TAMM41: variants seen among roughly 807,000 people sequenced by gnomAD.
TAMM41 encodes TAM41 mitochondrial translocator assembly and maintenance homolog.
A neutral mutation model predicts 44.1 loss-of-function variants in TAMM41; 36 were observed. The ratio of observed to expected loss-of-function variants is 0.82; its 90% confidence interval spans 0.63 to 1.08. TAMM41 has a LOEUF of 1.08. Ranked by LOEUF, TAMM41 falls within the 50% of genes least tolerant of loss-of-function variation. TAMM41 has a pLI of 0.00. For synonymous variants in TAMM41, 164 were observed against 153.1 expected, an observed-to-expected ratio of 1.07 and a Z score of -0.53; for missense variants, 417 against 404.3, an observed-to-expected ratio of 1.03 and a Z score of -0.27.
the TAMM41 span, among the ~76,000 whole-genome samples, chr3:11,750,379 A>G: frequency 3.9e-5 from 6 of 152,056 alleles, no homozygotes; most frequent in Non-Finnish European, 8.8e-5. Context: ...ATCATGGCTC[A>G]CTGACTGTAG....
the TAMM41 span, among the ~76,000 whole-genome samples, chr3:11,760,666 G>C: frequency 6.6e-6 from 1 of 151,714 alleles, no homozygotes; most frequent in African/African-American, 2.4e-5. Flanking sequence ...GCTTAAGCGA[G>C]TCTCATGCCT....
At chr3:11,815,850 A>G (rs759398489) in intron 5 of TAMM41, among the ~76,000 whole-genome samples, 48 of 152,220 alleles carry the variant, frequency 3.2e-4, no homozygotes, top group Middle Eastern at 3.2e-3. Context: ...AATCAGCTAT[A>G]GAGACGAAAG....
the TAMM41 span, among the ~76,000 whole-genome samples, chr3:11,785,319 TTTTTGTTTTTG>T: frequency 6.6e-6 from 1 of 151,670 alleles, no homozygotes; most frequent in East Asian, 1.9e-4. Context: ...TGGCATCTGG[TTTTTGTTTTTG>T]TTTTGTTTTG....
chr3:11,780,707 T>A, the TAMM41 span, among the ~76,000 whole-genome samples: 1 of 152,230 alleles, frequency 6.6e-6, no homozygotes, highest in Non-Finnish European at 1.5e-5. Flanking sequence ...CTTTGAGGTA[T>A]CTCTATAGTT....
intron 5 of TAMM41, among the ~76,000 whole-genome samples, chr3:11,813,098 T>C (rs1476000686): frequency 6.6e-6 from 1 of 152,166 alleles, no homozygotes; most frequent in African/African-American, 2.4e-5. Context: ...TTAGAGAAAA[T>C]TCCTAGCCCT....
chr3:11,826,530 C>T (rs370878400), intron 4 of TAMM41, among the ~76,000 whole-genome samples: 1 of 62,222 alleles, frequency 1.6e-5, no homozygotes, highest in Non-Finnish European at 2.9e-5. Context: ...CCTTGTCTCT[C>T]AAAAAAAAAA....
chr3:11,831,641 A>G (rs1450407145), intron 3 of TAMM41, among the ~76,000 whole-genome samples: 19 of 152,208 alleles, frequency 1.2e-4, no homozygotes, highest in Admixed American at 1.2e-3. Context: ...ACTATGAGAA[A>G]CTCCAAAATA....
At chr3:11,803,289 G>A (rs954041731) in intron 7 of TAMM41, among the ~76,000 whole-genome samples, 5 of 152,086 alleles carry the variant, frequency 3.3e-5, no homozygotes, top group African/African-American at 1.2e-4. Flanking sequence ...GAGGCTGAAG[G>A]GGGAGAATCG....
At chr3:11,827,014 C>T (rs953613351) in intron 4 of TAMM41, among the ~76,000 whole-genome samples, 10 of 152,296 alleles carry the variant, frequency 6.6e-5, no homozygotes, top group African/African-American at 2.4e-4. Flanking sequence ...TTGCCTTTTT[C>T]ACACGTGTTG....
At chr3:11,746,416 T>G in the TAMM41 span, among the ~76,000 whole-genome samples, 3 of 151,858 alleles carry the variant, frequency 2.0e-5, no homozygotes, top group Non-Finnish European at 4.4e-5. Flanking sequence ...TGCACAAATG[T>G]CAGAGCAGCT....
the TAMM41 span, among the ~76,000 whole-genome samples, chr3:11,723,591 AAAAAC>A: frequency 6.6e-6 from 1 of 151,684 alleles, no homozygotes; most frequent in African/African-American, 2.4e-5. Flanking sequence ...AAAAAAAAAA[AAAAAC>A]AAAAACAAAA....
At chr3:11,842,098 T>C (rs2079471479) in intron 2 of TAMM41, among the ~76,000 whole-genome samples, 1 of 152,078 alleles carries the variant, frequency 6.6e-6, no homozygotes, top group Non-Finnish European at 1.5e-5. Flanking sequence ...TTGGCATCAC[T>C]TGGGAGCTTA....
At chr3:11,748,755 T>G in the TAMM41 span, among the ~76,000 whole-genome samples, 1 of 152,070 alleles carries the variant, frequency 6.6e-6, no homozygotes, top group Non-Finnish European at 1.5e-5. Context: ...TTTGAGAGCT[T>G]TACTTTCTGT....
At position 11,822,758 on chromosome 3, in the gene TAMM41, T is replaced by C. The variant is rs34267408; in HGVS notation, c.563-5421A>G. On this transcript the variant is annotated intron_variant, in intron 4 of 7. Transcript: ENST00000455809. The stretch of plus-strand genomic sequence containing the variant: ...GTTAAATAATAGTCCATCGTACAGA[T>C]GCACCAATTTTATTTATCCATTTCT... Among the ~76,000 whole-genome samples, 1,078 of 152,396 alleles carry C rather than the reference T, an allele frequency of 7.1e-3. 2 individuals carry two copies. The highest frequency in any genetic ancestry group is 0.012 in the Non-Finnish European group (846 of 68,040).
the TAMM41 span, among the ~76,000 whole-genome samples, chr3:11,781,451 C>A: frequency 6.6e-6 from 1 of 151,864 alleles, no homozygotes; most frequent in African/African-American, 2.4e-5. Flanking sequence ...AGTAAGAGAC[C>A]CGGTCAGGTG....
chr3:11,729,539 A>ATTTTTTTTTTTTTTTTT, the TAMM41 span, among the ~76,000 whole-genome samples: 20 of 32,294 alleles, frequency 6.2e-4, 2 homozygotes, highest in Non-Finnish European at 1.3e-3. Context: ...TCTTTCTTTC[A>ATTTTTTTTTTTTTTTTT]TTTTTTTTTT....
At chr3:11,840,304 C>T (rs565710573) in intron 2 of TAMM41, among the ~76,000 whole-genome samples, 1 of 151,848 alleles carries the variant, frequency 6.6e-6, no homozygotes, top group South Asian at 2.1e-4. Context: ...GCAATCTCAG[C>T]TCACCACAAC....
intron 4 of TAMM41, among the ~76,000 whole-genome samples, chr3:11,822,011 A>G (rs1017182069): frequency 4.6e-5 from 7 of 152,200 alleles, no homozygotes; most frequent in African/African-American, 1.7e-4. Context: ...TGAGGTGTAT[A>G]TGAAACATAA....
At chr3:11,747,388 A>G in the TAMM41 span, among the ~76,000 whole-genome samples, 1 of 152,174 alleles carries the variant, frequency 6.6e-6, no homozygotes, top group Non-Finnish European at 1.5e-5. Context: ...CTAGACTGGT[A>G]GAAATAATTT....
Sources: gnomAD v4.1 joint callset for allele counts (sites outside exome capture counted in the v4.1 genomes callset) on GRCh38, gnomAD v4.1.1 for gene constraint, MANE v1.5 for transcripts, NCBI Gene and HGNC (gene_info 2026-07-23, HGNC 2026-07-21) for gene names.